The following NIBAN3 variants were observed in gnomAD, a reference collection of about 807,000 sequenced individuals.
NIBAN3 encodes the protein protein Niban 3.
Under a neutral mutation model 76.4 loss-of-function variants are expected in NIBAN3, and 66 were observed. That is an observed-to-expected ratio of 0.86 (90% CI 0.71 to 1.06). The LOEUF is 1.06. NIBAN3 is among the 50% of genes least tolerant of loss of function. The pLI is 0.00. For missense variants in NIBAN3, 808 were observed against 810.7 expected (o/e 1.00, Z 0.04); for synonymous variants, 360 against 355.2 (o/e 1.01, Z -0.15).
chr19:17,541,222 C>T (rs1599739903), intron 9 of NIBAN3, among the ~76,000 whole-genome samples: 1 of 135,976 alleles, frequency 7.4e-6, no homozygotes, highest in Admixed American at 7.6e-5. Context: ...AAAATACATA[C>T]ATACATATAT....
Position 17,540,555 on chromosome 19 carries a change from C to A in NIBAN3, c.1143C>A (p.Ser381Arg). 1 of 1,549,946 alleles carries A rather than the reference C, an allele frequency of 6.5e-7. No individual in the cohort carries two copies. Residue 381 changes from serine (S) to arginine (R), a missense_variant, in exon 9 of 15, where the codon AGC becomes AGA. By Grantham distance (110) the Ser-to-Arg change is moderately radical (BLOSUM62 -1). Transcript: ENST00000599164. Reference protein sequence around the residue: ...MDRLSHRLRQSPSGTRLRREV... With the variant: ...MDRLSHRLRQRPSGTRLRREV... ...GACTGTCCCACCGCCTGCGCCAGAG[C>A]CCCTCAGGCACGCGGCTGCGCAGGG...
At chr19:17,529,162 CTT>C (rs1180584191) in intron 1 of NIBAN3, among the ~76,000 whole-genome samples, 2 of 152,166 alleles carry the variant, frequency 1.3e-5, no homozygotes, top group Non-Finnish European at 2.9e-5. Context: ...GCTTCATTCT[CTT>C]ATATGTAAAA....
At chr19:17,523,411 C>T (rs1371626397), upstream of NIBAN3, 4 of 1,550,940 alleles carry the variant, frequency 2.6e-6, no homozygotes, top group African/African-American at 4.1e-5. Context: ...CCCGGCAGGC[C>T]ACTCAGATGT....
At position 17,552,134 on chromosome 19, in the gene NIBAN3, A is replaced by G; in HGVS notation, c.*236A>G. The G allele has an allele frequency of 3.7e-6, 1 of 267,424 alleles. No individual in the cohort carries two copies. Among genetic ancestry groups the G allele is most frequent in the Non-Finnish European group, 6.9e-6 (1 of 144,640 alleles). 16.6% of individuals were successfully genotyped at this position (267,424 alleles called of 1,614,324 possible). A position where few individuals can be genotyped will look rare whatever the true frequency, so the allele number is the denominator to read the frequency against. On this transcript the variant is annotated 3_prime_UTR_variant, in exon 15 of 15. Coordinates refer to ENST00000599164, the MANE Select transcript of NIBAN3 (RefSeq NM_001321827.2). ...TGCTCTGTCACCCGGGCTGGAGTGC[A>G]GTGGCAGGATCTCGGCTCACTGCAA...
Position 17,540,437 on chromosome 19 carries a change from A to G in NIBAN3, c.1025A>G (p.Asp342Gly). Residue 342 changes from aspartate to glycine, a missense_variant, in exon 9 of 15, where the codon GAC becomes GGC. Physicochemically the swap from Asp to Gly is moderately conservative, Grantham distance 94. Transcript: ENST00000599164. Reference protein sequence around the residue: ...PLESCLRREVDPQLPRVVQTL... With the variant: ...PLESCLRREVGPQLPRVVQTL... ...GAGTCGTGCCTGCGCCGGGAGGTGG[A>G]CCCGCAGCTGCCCCGGGTCGTGCAG... The G allele has an allele frequency of 6.5e-7, 1 of 1,542,054 alleles. No individual in the cohort carries two copies. Among genetic ancestry groups the G allele is most frequent in the Admixed American group, 2.0e-5 (1 of 49,952 alleles).
chr19:17,526,957 T>TG (rs1045740528), upstream of NIBAN3, among the ~76,000 whole-genome samples: 10 of 151,910 alleles, frequency 6.6e-5, no homozygotes, highest in African/African-American at 9.7e-5. Context: ...ACAGTGCTGG[T>TG]GGGGGGGTGT....
chr19:17,532,025 T>C (rs1200554930), intron 2 of NIBAN3, among the ~76,000 whole-genome samples: 1 of 152,208 alleles, frequency 6.6e-6, no homozygotes, highest in Non-Finnish European at 1.5e-5. Context: ...CACGCTCCAG[T>C]TGGGGCTGAG....
intron 10 of NIBAN3, among the ~76,000 whole-genome samples, chr19:17,543,104 T>C (rs559222476): frequency 1.3e-4 from 20 of 152,238 alleles, no homozygotes; most frequent in Admixed American, 3.9e-4. Context: ...GGGAAGGGGC[T>C]TTCTGTCAGT....
chr19:17,540,402 G>T lies in NIBAN3; in HGVS notation c.990G>T (p.Arg330Ser). 1 of 1,497,568 alleles carries T rather than the reference G, an allele frequency of 6.7e-7. No homozygotes were observed. The highest frequency in any genetic ancestry group is 1.3e-5 in the South Asian group (1 of 76,168). The allele number at this position is 1,497,568 out of a possible 1,614,324, so 92.8% of individuals were successfully genotyped here. ...RVAGRLRTDI[R>S]GPLESCLRRE... ...GTCTTCCACTCCCAGCGGATATCAG[G>T]GGACCGCTCGAGTCGTGCCTGCGCC... is the stretch of plus-strand genomic sequence containing the variant. Residue 330 changes from arginine (R) to serine (S), a missense_variant, in exon 9 of 15, where the codon AGG (arginine) becomes AGT (serine). Physicochemically the swap from Arg to Ser is moderately radical, Grantham distance 110 (BLOSUM62 -1). Coordinates refer to ENST00000599164, the MANE Select transcript of NIBAN3 (RefSeq NM_001321827.2).
Position 17,542,588 on chromosome 19 carries a change from G to T in NIBAN3, c.1329+294G>T, listed in dbSNP as rs1379477045. On this transcript the variant is annotated intron_variant, in intron 10 of 14. Transcript: ENST00000599164. The surrounding 1 kb of genome is among the most constrained non-coding windows in gnomAD (Gnocchi z 4.8). Reference sequence around the variant, plus strand: ...AATGGGAGGAATGGCGTTGCCACCAGTCCCGAGTGAATAGTGTTGAGAGTG... The same window carrying T: ...AATGGGAGGAATGGCGTTGCCACCATTCCCGAGTGAATAGTGTTGAGAGTG... Among the ~76,000 whole-genome samples, 1 of 152,234 alleles carries T rather than the reference G, an allele frequency of 6.6e-6. No homozygotes were observed. Among genetic ancestry groups the T allele is most frequent in the African/African-American group, 2.4e-5 (1 of 41,466 alleles).
In NIBAN3 at chr19:17,542,581, G is replaced by C. The variant is rs77860878; in HGVS notation, c.1329+287G>C. 0.049 allele frequency among the ~76,000 whole-genome samples: 7,531 copies of C among 152,286 alleles called. 195 individuals carry two copies. The highest frequency in any genetic ancestry group is 0.083 in the South Asian group (401 of 4,828). On this transcript the variant is annotated intron_variant, in intron 10 of 14. Coordinates refer to ENST00000599164, the MANE Select transcript of NIBAN3 (RefSeq NM_001321827.2). The surrounding 1 kb of genome is among the most constrained non-coding windows in gnomAD (Gnocchi z 4.8). ...GGAGAGCAATGGGAGGAATGGCGTT[G>C]CCACCAGTCCCGAGTGAATAGTGTT...
upstream of NIBAN3, among the ~76,000 whole-genome samples, chr19:17,524,893 G>A (rs188795522): frequency 2.7e-3 from 415 of 152,274 alleles, 4 homozygotes; most frequent in African/African-American, 9.2e-3. Context: ...AGACACTTCT[G>A]CTCACTCCTT....
upstream of NIBAN3, among the ~76,000 whole-genome samples, chr19:17,524,989 A>C (rs185478708): frequency 1.3e-5 from 2 of 152,334 alleles, no homozygotes; most frequent in Admixed American, 1.3e-4. Context: ...GGGCTCCGTT[A>C]TGATCAGGGA....
In NIBAN3 at chr19:17,532,321, C is replaced by T. The variant is rs1294859047; in HGVS notation, c.245C>T (p.Pro82Leu). The change falls in exon 3 of 15, where the codon CCC (proline) becomes CTC (leucine). Residue 82 changes from proline (P) to leucine (L), a missense_variant. Physicochemically the swap from Pro to Leu is moderately conservative, Grantham distance 98. Coordinates refer to ENST00000599164, the MANE Select transcript of NIBAN3 (RefSeq NM_001321827.2). ...GPLTQLRGHP[P>L]RWQPIFCVLR... The stretch of plus-strand genomic sequence containing the variant: ...CTGACCCAGCTTCGGGGCCACCCAC[C>T]CCGGTGGCAGCCGATCTTCTGTGTT... 3.1e-5 allele frequency: 50 copies of T among 1,614,024 alleles called. No individual in the cohort carries two copies. The highest frequency in any genetic ancestry group is 4.1e-5 in the Non-Finnish European group (48 of 1,180,016).
chr19:17,528,082 T>C (rs1487452281), intron 1 of NIBAN3, among the ~76,000 whole-genome samples: 1 of 151,480 alleles, frequency 6.6e-6, no homozygotes, highest in Non-Finnish European at 1.5e-5. Context: ...GGTTTTTTTT[T>C]TGTTTGTTTT....
downstream of NIBAN3, among the ~76,000 whole-genome samples, chr19:17,554,968 A>G (rs528451150): frequency 1.3e-5 from 2 of 151,124 alleles, no homozygotes; most frequent in South Asian, 2.1e-4. Flanking sequence ...AAGTCAATCA[A>G]TTTGAAAATG....
At chr19:17,523,561 G>A, upstream of NIBAN3, 1 of 984,972 alleles carries the variant, frequency 1.0e-6, no homozygotes, top group Non-Finnish European at 1.5e-6. Flanking sequence ...GCTGCGAAGT[G>A]AAGGGAAATT....
rs1203612760 is a variant in NIBAN3, at chr19:17,547,890, C to T, written c.1666+1093C>T. On this transcript the variant is annotated intron_variant, in intron 13 of 14. Transcript: ENST00000599164. ...CTATGTTGGCCAGGCTGGTCTCGAA[C>T]TCATGACCTCGTGATCCGCCTGACT... is the stretch of plus-strand genomic sequence containing the variant. 1.3e-5 allele frequency among the ~76,000 whole-genome samples: 2 copies of T among 152,140 alleles called. 1 individual carries two copies. Among genetic ancestry groups the T allele is most frequent in the South Asian group, 4.1e-4 (2 of 4,830 alleles).
At chr19:17,524,226 C>G (rs1344064906), upstream of NIBAN3, among the ~76,000 whole-genome samples, 2 of 151,360 alleles carry the variant, frequency 1.3e-5, no homozygotes, top group Non-Finnish European at 2.9e-5. Context: ...CCCTCCATGC[C>G]CATCCTCTAT....
Sources: gnomAD v4.1 joint callset for allele counts (sites outside exome capture counted in the v4.1 genomes callset) on GRCh38, gnomAD v4.1.1 for gene constraint, Gnocchi (gnomAD v3.1) non-coding constraint, MANE v1.5 for transcripts, NCBI Gene and HGNC (gene_info 2026-07-23, HGNC 2026-07-21) for gene names.